Variants in COMTD1 observed in about 807,000 individuals in gnomAD.
COMTD1 encodes the protein catechol-O-methyltransferase domain containing 1, also known as catechol O-methyltransferase domain-containing protein 1.
A neutral mutation model predicts 33.6 loss-of-function variants in COMTD1; 35 were observed. The observed-to-expected ratio is 1.04, with a 90% CI of 0.80 to 1.38. COMTD1 has a LOEUF of 1.38. COMTD1 is among the 40% of genes most tolerant of loss of function. COMTD1 has a pLI of 0.00. For synonymous variants in COMTD1, 160 were observed against 176.8 expected (o/e 0.91, Z 0.75); for missense variants, 370 against 363.4 (o/e 1.02, Z -0.15).
At chr10:75,234,367 C>A (rs1228406457) in intron 6 of COMTD1, 142 bp from the exon 7 acceptor site, 1 of 1,014,982 alleles carries the variant, frequency 9.9e-7, no homozygotes, top group African/African-American at 1.8e-5. Flanking sequence ...AAGGCGGGGT[C>A]TCGGAGGGAG....
In COMTD1 at chr10:75,235,640, G is replaced by A. The variant is rs1239525030; in HGVS notation, c.198C>T (p.His66=). ...CCAGCCTCAGGCTTCGCAGCGCCGG[G>A]TGCTCCCGCATGGAGCGGCTCAGAA... is the stretch of plus-strand genomic sequence containing the variant. ...QYLLSRSMRE[H]PALRSLRLLT... The change falls in exon 2 of 7, where the codon CAC becomes CAT. Residue 66 remains histidine (H), a synonymous_variant. Coordinates refer to ENST00000372538, the MANE Select transcript of COMTD1 (RefSeq NM_144589.4). 1.3e-6 allele frequency: 2 copies of A among 1,594,866 alleles called. No homozygotes were observed. Among genetic ancestry groups the A allele is most frequent in the South Asian group, 2.3e-5 (2 of 88,612 alleles).
chr10:75,234,440 A>T lies in COMTD1; in HGVS notation c.636+170T>A, dbSNP rs1024034760. The T allele has an allele frequency of 9.4e-6, 11 of 1,171,464 alleles. No individual in the cohort carries two copies. The African/African-American group carries it at 1.7e-4, about 18-fold the overall frequency. 72.6% of individuals were successfully genotyped at this position (1,171,464 alleles called of 1,614,324 possible). Reference sequence around the variant, plus strand: ...CCGGGCAGGAGGTGACCAGAGCTGGAGACAGAACCAAAGCGGAGGAAAGCC... The same window carrying T: ...CCGGGCAGGAGGTGACCAGAGCTGGTGACAGAACCAAAGCGGAGGAAAGCC... On this transcript the variant is annotated intron_variant, in intron 6 of 6. Transcript: ENST00000372538.
In COMTD1 at chr10:75,234,037, C is replaced by T. The variant is rs758077097; in HGVS notation, c.*36G>A. The T allele has an allele frequency of 2.0e-5, 32 of 1,613,566 alleles. No individual in the cohort carries two copies. Among genetic ancestry groups the T allele is most frequent in the African/African-American group, 1.3e-5 (1 of 74,950 alleles). On this transcript the variant is annotated 3_prime_UTR_variant, in exon 7 of 7. Coordinates refer to ENST00000372538, the MANE Select transcript of COMTD1 (RefSeq NM_144589.4). ...AGGGTCAATTCCTGGGGTTCCCAGG[C>T]AACCCTCCCTCGAGCCCACTCACTA...
In COMTD1 at chr10:75,235,372, G is replaced by A. The variant is rs779932222; in HGVS notation, c.223C>T (p.Leu75=). 13 of 1,559,970 alleles carry A rather than the reference G, an allele frequency of 8.3e-6. No individual in the cohort carries two copies. Among genetic ancestry groups the A allele is most frequent in the Non-Finnish European group, 1.0e-5 (12 of 1,155,962 alleles). The change falls in exon 3 of 7, where the codon CTG becomes TTG. Residue 75 remains leucine, a splice_region_variant and synonymous_variant. Coordinates refer to ENST00000372538, the MANE Select transcript of COMTD1 (RefSeq NM_144589.4). ...EHPALRSLRL[L]TLEQPQGDSM... ...TCCCCCTGCGGCTGCTCCAGGGTCA[G>A]CTGCGTGAAAGGAGAGGGTGGCACC...
chr10:75,234,392 G>T, intron 6 of COMTD1, 167 bp from the exon 7 acceptor site: 1 of 1,014,228 alleles, frequency 9.9e-7, no homozygotes, highest in South Asian at 1.7e-5. Context: ...CTGGGCGGGA[G>T]GCGGGGCCTC....
At position 75,234,241 on chromosome 10, in the gene COMTD1, G is replaced by C; in HGVS notation, c.637-16C>G. 6.2e-7 allele frequency: 1 copy of C among 1,601,144 alleles called. No individual in the cohort carries two copies. The highest frequency in any genetic ancestry group is 8.5e-7 in the Non-Finnish European group (1 of 1,175,526). ...GCCACAGGACCTGCGGGAGGGCGGG[G>C]CCAACCGGGCCGTGGGAGGCGGGGC... On this transcript the variant is annotated splice_polypyrimidine_tract_variant and intron_variant, in intron 6 of 6. Coordinates refer to ENST00000372538, the MANE Select transcript of COMTD1 (RefSeq NM_144589.4).
intron 5 of COMTD1, 60 bp from the exon 6 acceptor site, chr10:75,234,803 C>T (rs1015088554): frequency 2.0e-6 from 3 of 1,532,090 alleles, no homozygotes; most frequent in African/African-American, 2.8e-5. Flanking sequence ...CCCTGAGGCC[C>T]CTCCCAGGCC....
rs1376688976 is a variant in COMTD1, at chr10:75,233,890, C to G, written c.*183G>C. 18 of 1,426,498 alleles carry G rather than the reference C, an allele frequency of 1.3e-5. No homozygotes were observed. Among genetic ancestry groups the G allele is most frequent in the Non-Finnish European group, 1.6e-5 (17 of 1,085,188 alleles). The allele number at this position is 1,426,498 out of a possible 1,614,324, so 88.4% of individuals were successfully genotyped here. A position where few individuals can be genotyped will look rare whatever the true frequency, so the allele number is the denominator to read the frequency against. On this transcript the variant is annotated 3_prime_UTR_variant, in exon 7 of 7. Coordinates refer to ENST00000372538, the MANE Select transcript of COMTD1 (RefSeq NM_144589.4). ...CAGGGAGGGGACGAATCTCAAGGCC[C>G]CTTTCACTGAAGGCAGGAGCTGTCT...
At chr10:75,234,545 C>A in intron 6 of COMTD1, 65 bp downstream of exon 6, 1 of 1,504,910 alleles carries the variant, frequency 6.6e-7, no homozygotes, top group Non-Finnish European at 8.9e-7. Flanking sequence ...TAAGAGGAGT[C>A]AAGGGAAAAG....
At position 75,235,376 on chromosome 10, in the gene COMTD1, C is replaced by A; in HGVS notation, c.223-4G>T. ...CCTGCGGCTGCTCCAGGGTCAGCTG[C>A]GTGAAAGGAGAGGGTGGCACCAGCC... On this transcript the variant is annotated splice_polypyrimidine_tract_variant and splice_region_variant and intron_variant, in intron 2 of 6. Coordinates refer to ENST00000372538, the MANE Select transcript of COMTD1 (RefSeq NM_144589.4). 5.2e-6 allele frequency: 8 copies of A among 1,553,246 alleles called. No individual in the cohort carries two copies. Among genetic ancestry groups the A allele is most frequent in the South Asian group, 1.2e-5 (1 of 83,920 alleles).
chr10:75,235,797 G>GGGGGGCCCC, intron 1 of COMTD1, 38 bp downstream of exon 1: 5 of 1,538,570 alleles, frequency 3.2e-6, no homozygotes, highest in Non-Finnish European at 4.4e-6. Context: ...CCTACTCTGC[G>GGGGGGCCCC]CCCGCCCACC....
chr10:75,235,605 G>A lies in COMTD1; in HGVS notation c.222+11C>T, dbSNP rs1352605330. 28 of 1,577,322 alleles carry A rather than the reference G, an allele frequency of 1.8e-5. No homozygotes were observed. The highest frequency in any genetic ancestry group is 2.3e-5 in the Non-Finnish European group (27 of 1,164,470). ...AGAGGGACGCCCGTTTCCGTCCCGCGCCCTGCTGACCAGCCTCAGGCTTCG... is the reference window on the plus strand; with the variant it reads ...AGAGGGACGCCCGTTTCCGTCCCGCACCCTGCTGACCAGCCTCAGGCTTCG... On this transcript the variant is annotated intron_variant, in intron 2 of 6. Transcript: ENST00000372538.
At position 75,233,956 on chromosome 10, in the gene COMTD1, C is replaced by T; in HGVS notation, c.*117G>A. On this transcript the variant is annotated 3_prime_UTR_variant, in exon 7 of 7. Coordinates refer to ENST00000372538, the MANE Select transcript of COMTD1 (RefSeq NM_144589.4). ...TCCCTTCCCCATCCAGCGCCACACA[C>T]GGAGGCTCAGGAGGTCGTGTGTCCC... is the stretch of plus-strand genomic sequence containing the variant. The T allele has an allele frequency of 6.3e-7, 1 of 1,577,062 alleles. No individual in the cohort carries two copies. The highest frequency in any genetic ancestry group is 8.6e-7 in the Non-Finnish European group (1 of 1,166,154).
chr10:75,234,605 C>G lies in COMTD1; in HGVS notation c.636+5G>C. ...CTTTCTCCTCCCCCGCAGTGGATCC[C>G]TTACTCTGAGGACGGCGAGGATGCC... On this transcript the variant is annotated splice_donor_5th_base_variant and intron_variant, in intron 6 of 6. Transcript: ENST00000372538. 6.4e-7 allele frequency: 1 copy of G among 1,559,482 alleles called. No individual in the cohort carries two copies. The highest frequency in any genetic ancestry group is 8.7e-7 in the Non-Finnish European group (1 of 1,152,304).
rs1590020249 is a variant in COMTD1 at position 75,235,165 on chromosome 10, G to A, written c.342C>T (p.Gly114=). 1 of 1,406,252 alleles carries A rather than the reference G, an allele frequency of 7.1e-7. No homozygotes were observed. The highest frequency in any genetic ancestry group is 2.8e-5 in the East Asian group (1 of 35,120). The allele number at this position is 1,406,252 out of a possible 1,614,324, so 87.1% of individuals were successfully genotyped here. The stretch of plus-strand genomic sequence containing the variant: ...CCAGGGCCAGGGCCAGGGCGGAGTA[G>A]CCCGTGAAGGTGCCTGGGACCAGGA... The part of the protein sequence containing the change: ...KKALDLGTFT[G]YSALALALAL... The change falls in exon 4 of 7, where the codon GGC becomes GGT. Residue 114 remains glycine, a synonymous_variant. Coordinates refer to ENST00000372538, the MANE Select transcript of COMTD1 (RefSeq NM_144589.4).
Position 75,233,901 on chromosome 10 carries a change from A to C in COMTD1, c.*172T>G. 1 of 1,453,302 alleles carries C rather than the reference A, an allele frequency of 6.9e-7. No individual in the cohort carries two copies. Among genetic ancestry groups the C allele is most frequent in the Non-Finnish European group, 9.1e-7 (1 of 1,104,030 alleles). The allele number at this position is 1,453,302 out of a possible 1,614,324, so 90.0% of individuals were successfully genotyped here. On this transcript the variant is annotated 3_prime_UTR_variant, in exon 7 of 7. Transcript: ENST00000372538. ...CGAATCTCAAGGCCCCTTTCACTGA[A>C]GGCAGGAGCTGTCTGTGCTGGGCCT...
In COMTD1 at chr10:75,234,661, G is replaced by C; in HGVS notation, c.585C>G (p.Tyr195Ter). The part of the protein sequence containing the change: ...DADKENCSAY[Y>*]ERCLQLLRPG... ...GTCGCAGCAGCTGCAGGCAGCGCTCGTAGTAGGCGGAGCAGTTCTCCTTGT... is the reference window on the plus strand; with the variant it reads ...GTCGCAGCAGCTGCAGGCAGCGCTCCTAGTAGGCGGAGCAGTTCTCCTTGT... Residue 195 changes from tyrosine (Y) to a stop codon, truncating the protein, a stop_gained, in exon 6 of 7, where the codon TAC becomes TAG. Transcript: ENST00000372538. LOFTEE classifies it high-confidence loss of function. The C allele has an allele frequency of 2.5e-6, 4 of 1,577,008 alleles. No homozygotes were observed. The highest frequency in any genetic ancestry group is 3.4e-6 in the Non-Finnish European group (4 of 1,161,798).
chr10:75,235,342 T>C lies in COMTD1; in HGVS notation c.253A>G (p.Met85Val), dbSNP rs1240561241. The C allele has an allele frequency of 2.5e-6, 4 of 1,591,000 alleles. No homozygotes were observed. The highest frequency in any genetic ancestry group is 2.3e-5 in the East Asian group (1 of 43,570). ...LTLEQPQGDS[M>V]MTCEQAQLLA... ...AGCTGGGCCTGCTCGCAGGTCATCATAGAATCCCCCTGCGGCTGCTCCAGG... is the reference window on the plus strand; with the variant it reads ...AGCTGGGCCTGCTCGCAGGTCATCACAGAATCCCCCTGCGGCTGCTCCAGG... Residue 85 changes from methionine to valine, a missense_variant, in exon 3 of 7, where the codon ATG (methionine) becomes GTG (valine). By Grantham distance (21) the Met-to-Val change is conservative. Transcript: ENST00000372538.
chr10:75,235,482 C>A, intron 2 of COMTD1, 110 bp from the exon 3 acceptor site: 1 of 1,360,270 alleles, frequency 7.4e-7, no homozygotes, highest in South Asian at 1.5e-5. Flanking sequence ...ACTGGCCCTT[C>A]GGAACGCCCA....
Sources: allele counts gnomAD v4.1 joint callset, GRCh38; gene constraint gnomAD v4.1.1; transcripts MANE v1.5; gene names NCBI Gene and HGNC (gene_info 2026-07-23, HGNC 2026-07-21).